The following PCDHGA3 variants were observed in gnomAD, a reference collection of about 807,000 sequenced individuals.
The protein encoded by PCDHGA3 is protocadherin gamma-A3.
In PCDHGA3, 40 loss-of-function variants were observed where a neutral mutation model predicts 58.5. The observed-to-expected ratio is 0.68, with a 90% CI of 0.53 to 0.89. The LOEUF is 0.89. Ranked by LOEUF, PCDHGA3 falls within the 40% of genes least tolerant of loss-of-function variation. The pLI is 0.00. For synonymous variants in PCDHGA3, 530 were observed against 525.7 expected, an observed-to-expected ratio of 1.01 and a Z score of -0.11; for missense variants, 1,223 against 1,195.9, an observed-to-expected ratio of 1.02 and a Z score of -0.33.
intron 1 of PCDHGA3, chr5:141,350,431 G>A (rs1758473028): frequency 6.2e-7 from 1 of 1,610,338 alleles, no homozygotes; most frequent in Admixed American, 1.7e-5. Context: ...TCAGTGTCCG[G>A]GAGTTGCCAA....
chr5:141,382,477 A>C (rs906879449), intron 1 of PCDHGA3, among the ~76,000 whole-genome samples: 5 of 152,240 alleles, frequency 3.3e-5, no homozygotes, highest in African/African-American at 1.2e-4. Context: ...ATTATCTAAG[A>C]TTATCAAACA....
At chr5:141,464,443 T>G (rs903733972) in intron 1 of PCDHGA3, among the ~76,000 whole-genome samples, 1 of 151,634 alleles carries the variant, frequency 6.6e-6, no homozygotes, top group African/African-American at 2.4e-5. Context: ...ATGTTTGTTG[T>G]TGTTGTTGTT....
chr5:141,398,264 T>C lies in PCDHGA3; in HGVS notation c.2424+51807T>C, dbSNP rs370063277. On this transcript the variant is annotated intron_variant, in intron 1 of 3. Transcript: ENST00000253812. ...CCCGAGGAAATGCCCAAGGGCTCCG[T>C]AGTGGGGAACCTCGCCACGGACCTG... 2,051 of 1,443,238 alleles carry C rather than the reference T, an allele frequency of 1.4e-3. 29 individuals carry two copies. In the African/African-American group the frequency reaches 0.026, roughly 18 times the overall value. 89.4% of individuals were successfully genotyped at this position (1,443,238 alleles called of 1,614,324 possible).
At chr5:141,411,059 C>T (rs1384816111) in intron 1 of PCDHGA3, 1 of 156,328 alleles carries the variant, frequency 6.4e-6, no homozygotes, top group African/African-American at 2.4e-5. Context: ...ACTATGTCGA[C>T]CAGGCTGTTC....
chr5:141,411,743 G>A (rs2095510866), intron 1 of PCDHGA3: 2 of 152,860 alleles, frequency 1.3e-5, no homozygotes, highest in Non-Finnish European at 2.9e-5. Flanking sequence ...TTAGCAGGGT[G>A]TGGTGGCACA....
Position 141,346,150 on chromosome 5 carries a change from C to T in PCDHGA3, c.2117C>T (p.Ala706Val). The T allele has an allele frequency of 6.2e-7, 1 of 1,613,998 alleles. No homozygotes were observed. Reference protein sequence around the residue: ...AVAAVSCVFLAFVIVLLALRL... With the variant: ...AVAAVSCVFLVFVIVLLALRL... ...GCCGCGGTCTCCTGCGTCTTCCTGG[C>T]CTTCGTCATCGTGCTGCTGGCGCTC... is the stretch of plus-strand genomic sequence containing the variant. Residue 706 changes from alanine to valine, a missense_variant, in exon 1 of 4, where the codon GCC becomes GTC. Ala to Val is a moderately conservative substitution (Grantham distance 64). This residue lies in a region of PCDHGA3 where 325 missense variants were observed against 327.5 expected (regional missense o/e 0.99). Transcript: ENST00000253812.
At chr5:141,495,810 C>A (rs1003475681) in intron 2 of PCDHGA3, among the ~76,000 whole-genome samples, 2 of 152,088 alleles carry the variant, frequency 1.3e-5, no homozygotes, top group African/African-American at 4.8e-5. Flanking sequence ...CGTTTCCTAG[C>A]GCCTTGTGTT....
Position 141,351,079 on chromosome 5 carries a change from G to A in PCDHGA3, c.2424+4622G>A, listed in dbSNP as rs372442454. The A allele has an allele frequency of 1.4e-5, 22 of 1,613,910 alleles. No individual in the cohort carries two copies. The Middle Eastern group carries it at 8.2e-4, about 60-fold the overall frequency. On this transcript the variant is annotated intron_variant, in intron 1 of 3. Coordinates refer to ENST00000253812, the MANE Select transcript of PCDHGA3 (RefSeq NM_018916.4). ...ACCAGGATGAGGGCATTAATGCAGA[G>A]ATCACCTATGCCTTCCTCAATTCCC...
intron 1 of PCDHGA3, chr5:141,387,791 A>G: frequency 4.0e-6 from 6 of 1,492,120 alleles, no homozygotes; most frequent in Non-Finnish European, 4.5e-6. Flanking sequence ...AACTGCAACT[A>G]AAGTCCGTTC....
At chr5:141,399,592 G>A (rs1385029299) in intron 1 of PCDHGA3, 4 of 1,613,880 alleles carry the variant, frequency 2.5e-6, no homozygotes, top group Non-Finnish European at 3.4e-6. Flanking sequence ...CTCTATCATG[G>A]CCAGCGACCT....
chr5:141,474,579 G>A (rs1340685342), intron 1 of PCDHGA3, among the ~76,000 whole-genome samples: 3 of 152,196 alleles, frequency 2.0e-5, no homozygotes, highest in Non-Finnish European at 4.4e-5. Flanking sequence ...TAATTGAAGT[G>A]TTAAAGACAT....
At chr5:141,352,411 C>T (rs1254355246) in intron 1 of PCDHGA3, 1 of 1,614,030 alleles carries the variant, frequency 6.2e-7, no homozygotes, top group East Asian at 2.2e-5. Context: ...CCTCCAGCCT[C>T]GACACTGAGG....
chr5:141,435,519 T>C (rs2097768121), intron 1 of PCDHGA3, among the ~76,000 whole-genome samples: 2 of 152,192 alleles, frequency 1.3e-5, no homozygotes, highest in South Asian at 4.1e-4. Context: ...ATGATGACTT[T>C]GTGGAATATT....
intron 1 of PCDHGA3, chr5:141,370,713 GA>G (rs1767141333): frequency 6.2e-7 from 1 of 1,613,856 alleles, no homozygotes; most frequent in African/African-American, 1.3e-5. Context: ...TCTGGAATTT[GA>G]AATGGTTGCT....
chr5:141,487,275 G>T lies in PCDHGA3; in HGVS notation c.2425-7532G>T, dbSNP rs747253888. 2.5e-6 allele frequency: 4 copies of T among 1,614,158 alleles called. No homozygotes were observed. The highest frequency in any genetic ancestry group is 1.1e-5 in the South Asian group (1 of 91,074). On this transcript the variant is annotated intron_variant, in intron 1 of 3. Coordinates refer to ENST00000253812, the MANE Select transcript of PCDHGA3 (RefSeq NM_018916.4). The surrounding 1 kb of genome is among the most constrained non-coding windows in gnomAD (Gnocchi z 5.0). ...TTGGCTGTGTCCCTAGTGGCAATTT[G>T]CTTTGTCTCCTTTGGCTCATTCGTG...
rs1222348421 is a variant in PCDHGA3, at chr5:141,511,044, C to T, written c.2670C>T (p.Asp890=). 1 of 1,614,128 alleles carries T rather than the reference C, an allele frequency of 6.2e-7. No homozygotes were observed. The highest frequency in any genetic ancestry group is 1.3e-5 in the African/African-American group (1 of 74,940). ...GPQFTLQHVP[D]YRQNVYIPGS... is the part of the protein sequence containing the mutation. ...AGTTCACCCTGCAGCACGTGCCCGA[C>T]TACCGCCAGAATGTCTACATCCCAG... The change falls in exon 4 of 4, where the codon GAC becomes GAT. Residue 890 remains aspartate, a synonymous_variant. Coordinates refer to ENST00000253812, the MANE Select transcript of PCDHGA3 (RefSeq NM_018916.4).
chr5:141,380,966 T>C (rs890558911), intron 1 of PCDHGA3, among the ~76,000 whole-genome samples: 1 of 152,240 alleles, frequency 6.6e-6, no homozygotes, highest in East Asian at 1.9e-4. Flanking sequence ...AAAAGTACTA[T>C]TAAACAAATA....
Position 141,486,177 on chromosome 5 carries a change from G to A in PCDHGA3, c.2425-8630G>A. The A allele has an allele frequency of 6.2e-7, 1 of 1,614,222 alleles. No individual in the cohort carries two copies. Among genetic ancestry groups the A allele is most frequent in the Non-Finnish European group, 8.5e-7 (1 of 1,180,042 alleles). ...TCTCCAGCCATGGAGCAACATTGCA[G>A]CCTTCGAGTGGATCTGCTGGACGTA... On this transcript the variant is annotated intron_variant, in intron 1 of 3. Coordinates refer to ENST00000253812, the MANE Select transcript of PCDHGA3 (RefSeq NM_018916.4). The surrounding 1 kb of genome is among the most constrained non-coding windows in gnomAD (Gnocchi z 5.0).
intron 1 of PCDHGA3, chr5:141,433,291 T>C: frequency 9.1e-7 from 1 of 1,094,048 alleles, no homozygotes; most frequent in Non-Finnish European, 1.3e-6. Context: ...ACTCCTAGGC[T>C]CAAGCAATTA....
Sources: gnomAD v4.1 joint callset for allele counts (sites outside exome capture counted in the v4.1 genomes callset) on GRCh38, gnomAD v4.1.1 for gene constraint, gnomAD v4.1.1 regional missense constraint, Gnocchi (gnomAD v3.1) non-coding constraint, MANE v1.5 for transcripts, NCBI Gene and HGNC (gene_info 2026-07-23, HGNC 2026-07-21) for gene names.